The following DIAPH2 variants were observed in gnomAD, a reference collection of about 807,000 sequenced individuals.
DIAPH2 encodes the protein protein diaphanous homolog 2.
In DIAPH2, 35 loss-of-function variants were observed where a neutral mutation model predicts 92.7. The ratio of observed to expected loss-of-function variants is 0.38; its 90% CI spans 0.29 to 0.50. The LOEUF (loss-of-function observed/expected upper bound fraction) is 0.50, where lower values mean the gene tolerates loss of function less well. DIAPH2 is among the 20% of genes least tolerant of loss of function. The pLI is 0.94. For synonymous variants in DIAPH2, 301 were observed against 280.4 expected, an observed-to-expected ratio of 1.07 and a Z score of -0.73; for missense variants, 701 against 819.5, an observed-to-expected ratio of 0.86 and a Z score of 1.77.
intron 23 of DIAPH2, among the ~76,000 whole-genome samples, chrX:97,323,153 A>G (rs1161991326): frequency 1.9e-5 from 2 of 104,828 alleles, no homozygotes; most frequent in Non-Finnish European, 3.9e-5. Flanking sequence ...TGATCCGCCC[A>G]CCTCAGCCTC....
At chrX:97,140,737 A>G in intron 21 of DIAPH2, among the ~76,000 whole-genome samples, 1 of 111,827 alleles carries the variant, frequency 8.9e-6, no homozygotes, top group Non-Finnish European at 1.9e-5. Flanking sequence ...TTACTCTGTT[A>G]CCTAAATATC....
At chrX:97,340,649 GT>G (rs1347976710) in intron 23 of DIAPH2, among the ~76,000 whole-genome samples, 2 of 102,264 alleles carry the variant, frequency 2.0e-5, no homozygotes, top group Admixed American at 1.1e-4. Flanking sequence ...TTGTTTTATT[GT>G]TTTTTTTGTT....
At chrX:97,354,977 G>A (rs5921798) in intron 24 of DIAPH2, among the ~76,000 whole-genome samples, 2,653 of 112,423 alleles carry the variant, frequency 0.024, 28 homozygotes, top group Middle Eastern at 0.041. Flanking sequence ...CATAGCTGGT[G>A]TGACATGGAG....
chrX:97,151,159 C>T (rs1203781768), intron 22 of DIAPH2, among the ~76,000 whole-genome samples: 1 of 111,168 alleles, frequency 9.0e-6, no homozygotes, highest in African/African-American at 3.3e-5. Flanking sequence ...GGGTGTTGGT[C>T]ATGTTCTGTT....
At chrX:97,354,676 A>T (rs1049394868) in intron 24 of DIAPH2, among the ~76,000 whole-genome samples, 1 of 112,704 alleles carries the variant, frequency 8.9e-6, no homozygotes, top group East Asian at 2.8e-4. Context: ...ACCCGACCAA[A>T]TCTGAGCTTT....
At chrX:96,703,806 A>G (rs1440979018) in intron 1 of DIAPH2, among the ~76,000 whole-genome samples, 1 of 112,287 alleles carries the variant, frequency 8.9e-6, no homozygotes, top group Non-Finnish European at 1.9e-5. Context: ...CAAAATGAGA[A>G]GAGATACATT....
At chrX:97,193,049 G>A (rs1372853998) in intron 22 of DIAPH2, among the ~76,000 whole-genome samples, 1 of 84,192 alleles carries the variant, frequency 1.2e-5, no homozygotes, top group African/African-American at 5.1e-5. Context: ...GTCTCTCTCT[G>A]TCGCCCAGGC....
intron 20 of DIAPH2, among the ~76,000 whole-genome samples, chrX:97,112,478 G>A (rs1188786223): frequency 9.0e-6 from 1 of 111,236 alleles, no homozygotes; most frequent in Non-Finnish European, 1.9e-5. Context: ...GGTAGAGGCA[G>A]AAATGAAGGC....
intron 19 of DIAPH2, among the ~76,000 whole-genome samples, chrX:97,096,792 G>A (rs899300077): frequency 1.8e-5 from 2 of 111,742 alleles, no homozygotes; most frequent in Admixed American, 9.5e-5. Context: ...GTCTGGGCCT[G>A]GAATCACATC....
At chrX:96,935,603 T>C (rs1017494601) in intron 10 of DIAPH2, among the ~76,000 whole-genome samples, 4 of 111,449 alleles carry the variant, frequency 3.6e-5, no homozygotes, top group African/African-American at 1.3e-4. Context: ...TAATAAAGAA[T>C]ATTTATAAAA....
At chrX:97,066,894 C>G (rs1227322627) in intron 17 of DIAPH2, among the ~76,000 whole-genome samples, 25 of 111,918 alleles carry the variant, frequency 2.2e-4, no homozygotes, top group Non-Finnish European at 9.4e-5. Context: ...CAAAGTATGT[C>G]TGTGTTATCC....
At chrX:96,830,755 G>GA (rs927712998) in intron 4 of DIAPH2, among the ~76,000 whole-genome samples, 1 of 107,664 alleles carries the variant, frequency 9.3e-6, no homozygotes, top group Non-Finnish European at 1.9e-5. Flanking sequence ...CATAACATTT[G>GA]AAAAAAAAAG....
intron 26 of DIAPH2, among the ~76,000 whole-genome samples, chrX:97,435,246 A>G (rs1412452909): frequency 8.9e-6 from 1 of 111,843 alleles, no homozygotes; most frequent in East Asian, 2.8e-4. Context: ...TGGTGAGGCT[A>G]TAGGGAAAGA....
chrX:97,405,473 C>T (rs1380523268), intron 25 of DIAPH2, among the ~76,000 whole-genome samples: 5 of 111,701 alleles, frequency 4.5e-5, no homozygotes, highest in African/African-American at 6.5e-5. Flanking sequence ...GCCAAGCCTC[C>T]GCTTGTCTTG....
chrX:97,228,044 G>A (rs756554938), intron 22 of DIAPH2, among the ~76,000 whole-genome samples: 1 of 110,958 alleles, frequency 9.0e-6, no homozygotes, highest in Non-Finnish European at 1.9e-5. Context: ...GGGACCACAC[G>A]CATGTGCCAT....
At chrX:97,390,135 A>G (rs1412364335) in intron 25 of DIAPH2, among the ~76,000 whole-genome samples, 1 of 109,350 alleles carries the variant, frequency 9.1e-6, no homozygotes, top group Non-Finnish European at 1.9e-5. Flanking sequence ...TCAGAGAGCA[A>G]GCTGACTTAA....
intron 22 of DIAPH2, among the ~76,000 whole-genome samples, chrX:97,247,350 G>T (rs747274826): frequency 9.0e-6 from 1 of 111,590 alleles, no homozygotes. Context: ...AGCTACTAAC[G>T]TGCATTAATA....
chrX:97,491,566 A>G (rs1200418117), intron 26 of DIAPH2, among the ~76,000 whole-genome samples: 1 of 110,126 alleles, frequency 9.1e-6, no homozygotes, highest in Non-Finnish European at 1.9e-5. Flanking sequence ...GTGCACCACC[A>G]CACCCGGCTA....
intron 23 of DIAPH2, among the ~76,000 whole-genome samples, chrX:97,295,624 C>G (rs1282035621): frequency 1.8e-5 from 2 of 110,707 alleles, no homozygotes; most frequent in East Asian, 5.7e-4. Context: ...ATTCAGAAGA[C>G]TAGTAAACAG....
Sources: allele counts gnomAD v4.1 joint callset (sites outside exome capture counted in the v4.1 genomes callset), GRCh38; gene constraint gnomAD v4.1.1; transcripts MANE v1.5; gene names NCBI Gene and HGNC (gene_info 2026-07-23, HGNC 2026-07-21).